The following RTN4 variants were observed in gnomAD, a reference collection of about 807,000 sequenced individuals.
RTN4 encodes the protein reticulon 4, also known as reticulon-4.
Under a neutral mutation model 90.4 loss-of-function variants are expected in RTN4, and 32 were observed. That is an observed-to-expected ratio of 0.35 (90% CI 0.27 to 0.48). The LOEUF (loss-of-function observed/expected upper bound fraction) is 0.48. Ranked by LOEUF, RTN4 falls within the 20% of genes least tolerant of loss-of-function variation. The probability of loss-of-function intolerance (pLI) is 0.99; values close to 1 mark genes in which losing one functional copy is unlikely to be tolerated. For synonymous variants in RTN4, 629 were observed against 552.5 expected (o/e 1.14, Z -1.94); for missense variants, 1,706 against 1,430.2 (o/e 1.19, Z -3.11).
chr2:55,042,701 G>A (rs1683156627), intron 1 of RTN4, among the ~76,000 whole-genome samples: 1 of 152,088 alleles, frequency 6.6e-6, no homozygotes, highest in South Asian at 2.1e-4. Flanking sequence ...ATTGAGAGAA[G>A]ATATTATAGT....
At chr2:54,981,733 T>C (rs61621549) in intron 5 of RTN4, among the ~76,000 whole-genome samples, 9,206 of 152,058 alleles carry the variant, frequency 0.061, 515 homozygotes, top group African/African-American at 0.14. Context: ...TGATTACCAG[T>C]TGAAGATTAG....
intron 1 of RTN4, among the ~76,000 whole-genome samples, chr2:55,107,474 C>T (rs1037243653): frequency 6.6e-6 from 1 of 151,198 alleles, no homozygotes; most frequent in Non-Finnish European, 1.5e-5. Context: ...ACTTTCTTGC[C>T]CTTGCTCATT....
chr2:55,021,483 CT>C (rs1440571275), intron 3 of RTN4, among the ~76,000 whole-genome samples: 1 of 116,452 alleles, frequency 8.6e-6, no homozygotes, highest in African/African-American at 3.4e-5. Context: ...TTTTTTTTGT[CT>C]TTTTTTTCTC....
chr2:55,034,379 A>G (rs765151704), intron 1 of RTN4, among the ~76,000 whole-genome samples: 1 of 152,130 alleles, frequency 6.6e-6, no homozygotes, highest in South Asian at 2.1e-4. Flanking sequence ...GCGTGTGCCT[A>G]TAGTCCCACC....
rs1020746067 is a variant in RTN4, at chr2:55,103,860, A to G, written c.-214+8660T>C. 1.6e-4 allele frequency among the ~76,000 whole-genome samples: 25 copies of G among 151,686 alleles called. 1 individual carries two copies. Among genetic ancestry groups the G allele is most frequent in the African/African-American group, 6.1e-4 (25 of 41,192 alleles). ...CAGGCTCCCACCACCACACCCGCCT[A>G]ATTTTTGTATATTTAGCAGAGATGG... On this transcript the variant is annotated intron_variant, in intron 1 of 3. Coordinates refer to the RTN4 transcript ENST00000427710.
chr2:54,974,989 C>T (rs187654178), intron 5 of RTN4, among the ~76,000 whole-genome samples: 1 of 152,242 alleles, frequency 6.6e-6, no homozygotes, highest in East Asian at 1.9e-4. Flanking sequence ...GACTACACTA[C>T]CAAGTAGTTG....
At chr2:55,073,849 C>T (rs1668555735) in intron 2 of RTN4, among the ~76,000 whole-genome samples, 2 of 152,204 alleles carry the variant, frequency 1.3e-5, no homozygotes, top group African/African-American at 4.8e-5. Flanking sequence ...ATCCAGACCA[C>T]TCGTTGGTTG....
upstream of RTN4, among the ~76,000 whole-genome samples, chr2:55,114,225 G>C (rs899850749): frequency 3.3e-5 from 5 of 152,256 alleles, no homozygotes; most frequent in African/African-American, 1.2e-4. Context: ...TCTGGGACTT[G>C]GTGCACCATT....
chr2:55,118,645 G>A, the RTN4 span, among the ~76,000 whole-genome samples: 1 of 152,100 alleles, frequency 6.6e-6, no homozygotes, highest in South Asian at 2.1e-4. Context: ...TCAATTATCT[G>A]TGTCAAGTTG....
chr2:55,084,914 A>G (rs1468093501), intron 1 of RTN4, among the ~76,000 whole-genome samples: 1 of 152,194 alleles, frequency 6.6e-6, no homozygotes, highest in South Asian at 2.1e-4. Context: ...CAGCCAACCA[A>G]CTAGCTGGGA....
At chr2:55,071,689 C>G (rs116492120) in intron 2 of RTN4, among the ~76,000 whole-genome samples, 3,846 of 152,178 alleles carry the variant, frequency 0.025, 78 homozygotes, top group South Asian at 0.037. Flanking sequence ...AAACCATAGC[C>G]CATACCCTTC....
intron 1 of RTN4, among the ~76,000 whole-genome samples, chr2:55,107,403 CA>C (rs35664699): frequency 0.16 from 15,824 of 101,080 alleles, 982 homozygotes; most frequent in South Asian, 0.29. Flanking sequence ...GACTGAACCT[CA>C]AAAAAAAAAA....
intron 3 of RTN4, among the ~76,000 whole-genome samples, chr2:55,022,919 A>ACG (rs1681549095): frequency 6.6e-6 from 1 of 151,544 alleles, no homozygotes; most frequent in African/African-American, 2.4e-5. Context: ...ACACACACAC[A>ACG]CACACACACA....
At chr2:55,095,277 T>C (rs1445916823) in intron 1 of RTN4, among the ~76,000 whole-genome samples, 4 of 151,934 alleles carry the variant, frequency 2.6e-5, no homozygotes, top group Middle Eastern at 3.5e-3. Context: ...TGAGCCGAGA[T>C]CGTGCCACTG....
Position 55,038,941 on chromosome 2 carries a change from T to C in RTN4, c.557-10721A>G, listed in dbSNP as rs564959684. ...TTAAAAGGAACAAATTACTGATACC[T>C]GCAGCATCATTAGTAAGTCTTAAAA... On this transcript the variant is annotated intron_variant, in intron 1 of 8. Coordinates refer to ENST00000337526, the MANE Select transcript of RTN4 (RefSeq NM_020532.5). Among the ~76,000 whole-genome samples, 6 of 152,338 alleles carry C rather than the reference T, an allele frequency of 3.9e-5. No homozygotes were observed. The South Asian group carries it at 1.2e-3, about 32-fold the overall frequency.
intron 2 of RTN4, among the ~76,000 whole-genome samples, chr2:55,073,269 C>T (rs892441289): frequency 6.6e-6 from 1 of 152,164 alleles, no homozygotes; most frequent in Admixed American, 6.5e-5. Flanking sequence ...ATTTATTTCT[C>T]TCCGTAAATA....
chr2:54,986,779 T>A (rs1156234624), intron 4 of RTN4, among the ~76,000 whole-genome samples: 1 of 152,072 alleles, frequency 6.6e-6, no homozygotes, highest in Non-Finnish European at 1.5e-5. Context: ...TTTTGTGCGA[T>A]GAAAATAGTG....
At chr2:55,081,223 G>T (rs899817278) in intron 1 of RTN4, among the ~76,000 whole-genome samples, 1 of 152,146 alleles carries the variant, frequency 6.6e-6, no homozygotes, top group African/African-American at 2.4e-5. Context: ...ACAGGTGCTC[G>T]CCACCATGCC....
intron 3 of RTN4, chr2:55,010,518 G>GTT: frequency 4.4e-6 from 1 of 227,002 alleles, no homozygotes; most frequent in Non-Finnish European, 7.5e-6. Context: ...GCCATATGCA[G>GTT]TTTTTTTTTC....
Sources: allele counts gnomAD v4.1 joint callset (sites outside exome capture counted in the v4.1 genomes callset), GRCh38; gene constraint gnomAD v4.1.1; transcripts MANE v1.5; gene names NCBI Gene and HGNC (gene_info 2026-07-23, HGNC 2026-07-21).